ENAH: variants seen among roughly 807,000 people sequenced by gnomAD.
ENAH encodes the protein ENAH actin regulator.
In ENAH, 23 loss-of-function variants were observed where a neutral mutation model predicts 78.7. That is an observed-to-expected ratio of 0.29 (90% confidence interval 0.21 to 0.41). ENAH has a LOEUF of 0.41. ENAH is among the 10% of genes least tolerant of loss of function. The probability of loss-of-function intolerance (pLI) is 1.00; values close to 1 mark genes in which losing one functional copy is unlikely to be tolerated. For synonymous variants in ENAH, 226 were observed against 241.0 expected (o/e 0.94, Z 0.58); for missense variants, 544 against 691.0 (o/e 0.79, Z 2.39).
intron 3 of ENAH, chr1:225,535,444 T>C (rs2096557094): frequency 2.7e-6 from 3 of 1,105,038 alleles, no homozygotes; most frequent in Non-Finnish European, 3.7e-6. Flanking sequence ...ACAAAAGTTA[T>C]GGAAATGCGC....
chr1:225,585,729 C>T (rs981897064), intron 1 of ENAH, among the ~76,000 whole-genome samples: 1 of 151,792 alleles, frequency 6.6e-6, no homozygotes, highest in Non-Finnish European at 1.5e-5. Context: ...GCTGAGGCTG[C>T]AGTGAAGCAT....
At chr1:225,512,268 C>T (rs187206865) in intron 9 of ENAH, among the ~76,000 whole-genome samples, 68 of 152,330 alleles carry the variant, frequency 4.5e-4, no homozygotes, top group South Asian at 6.2e-4. Context: ...TGAAGGGGCA[C>T]AGCCAATAAC....
intron 1 of ENAH, among the ~76,000 whole-genome samples, chr1:225,570,145 T>C (rs1269924929): frequency 1.4e-5 from 2 of 141,764 alleles, no homozygotes; most frequent in South Asian, 2.2e-4. Context: ...GACTCCAGCC[T>C]GGGTGACAGA....
At chr1:225,625,862 G>A (rs1314836039) in intron 1 of ENAH, among the ~76,000 whole-genome samples, 10 of 152,102 alleles carry the variant, frequency 6.6e-5, no homozygotes, top group Admixed American at 6.5e-4. Flanking sequence ...GTCCTCTTTA[G>A]TTGAATTATC....
chr1:225,529,781 C>T (rs1286643435), intron 4 of ENAH, among the ~76,000 whole-genome samples: 2 of 152,138 alleles, frequency 1.3e-5, no homozygotes, highest in African/African-American at 4.8e-5. Flanking sequence ...GTAGAGAGAA[C>T]GGGAATGAGC....
At chr1:225,501,911 G>A (rs2096284427) in intron 11 of ENAH, among the ~76,000 whole-genome samples, 1 of 152,066 alleles carries the variant, frequency 6.6e-6, no homozygotes, top group Non-Finnish European at 1.5e-5. Flanking sequence ...TCCAAGTCCG[G>A]CAATAAAAGA....
At chr1:225,606,706 G>A (rs945162032) in intron 1 of ENAH, among the ~76,000 whole-genome samples, 6 of 151,520 alleles carry the variant, frequency 4.0e-5, no homozygotes. Flanking sequence ...AGCTGGACGT[G>A]GTGGAGTGCA....
intron 11 of ENAH, among the ~76,000 whole-genome samples, chr1:225,506,547 G>GT (rs1229765431): frequency 6.6e-6 from 1 of 152,144 alleles, no homozygotes; most frequent in Non-Finnish European, 1.5e-5. Context: ...AAGAAAATCC[G>GT]TAACTAGTAG....
At chr1:225,629,696 A>T (rs183533564) in intron 1 of ENAH, among the ~76,000 whole-genome samples, 109 of 152,232 alleles carry the variant, frequency 7.2e-4, no homozygotes, top group African/African-American at 2.6e-3. Flanking sequence ...AAAAAAGCAG[A>T]GTCTGCAAAA....
intron 1 of ENAH, among the ~76,000 whole-genome samples, chr1:225,639,841 C>A (rs958581684): frequency 2.6e-5 from 4 of 152,032 alleles, no homozygotes; most frequent in Non-Finnish European, 5.9e-5. Flanking sequence ...GATGACTGAA[C>A]ACCAAAGATG....
At chr1:225,648,756 T>C (rs542724438) in intron 1 of ENAH, among the ~76,000 whole-genome samples, 1 of 135,928 alleles carries the variant, frequency 7.4e-6, no homozygotes, top group African/African-American at 2.8e-5. Flanking sequence ...TAAGATTATC[T>C]CCTTTTTTTT....
rs890974123 is a variant in ENAH, at chr1:225,494,797, G to A, written c.*2978C>T. ...AATTATTTCAGAAGATTATCTAAGT[G>A]TCACAAACAAGCAACATATATATAC... is the stretch of plus-strand genomic sequence containing the variant. On this transcript the variant is annotated 3_prime_UTR_variant, in exon 14 of 14. Coordinates refer to ENST00000366843, the MANE Select transcript of ENAH (RefSeq NM_018212.6). 1 of 152,484 alleles carries A rather than the reference G, an allele frequency of 6.6e-6. No homozygotes were observed. Among genetic ancestry groups the A allele is most frequent in the African/African-American group, 2.4e-5 (1 of 41,420 alleles). The allele number at this position is 152,484 out of a possible 1,614,324, so 9.4% of individuals were successfully genotyped here. A position where few individuals can be genotyped will look rare whatever the true frequency, so the allele number is the denominator to read the frequency against.
rs542173047 is a variant in ENAH at position 225,490,198 on chromosome 1, C to G, written c.*7577G>C. 1 of 152,268 alleles carries G rather than the reference C, an allele frequency of 6.6e-6. No homozygotes were observed. The highest frequency in any genetic ancestry group is 2.1e-4 in the South Asian group (1 of 4,816). 9.4% of individuals were successfully genotyped at this position (152,268 alleles called of 1,614,324 possible). A position where few individuals can be genotyped will look rare whatever the true frequency, so the allele number is the denominator to read the frequency against. ...AGAGAGACTGAGGGCGGGAGGAACA[C>G]AGAGAAAGGGAAATCAAGTCCAACA... On this transcript the variant is annotated 3_prime_UTR_variant, in exon 14 of 14. Transcript: ENST00000366843.
intron 1 of ENAH, among the ~76,000 whole-genome samples, chr1:225,637,495 C>T (rs907769367): frequency 1.3e-5 from 2 of 152,172 alleles, no homozygotes; most frequent in Non-Finnish European, 2.9e-5. Context: ...GCGTGAGCCA[C>T]CGTGCATGGC....
intron 1 of ENAH, among the ~76,000 whole-genome samples, chr1:225,592,234 T>C (rs1036505085): frequency 4.6e-5 from 7 of 152,220 alleles, no homozygotes; most frequent in African/African-American, 1.2e-4. Flanking sequence ...CCTTTAACAT[T>C]TGATGTGTTA....
At chr1:225,547,372 G>A (rs1558792539) in intron 3 of ENAH, among the ~76,000 whole-genome samples, 2 of 152,054 alleles carry the variant, frequency 1.3e-5, no homozygotes. Flanking sequence ...ACCCGGCCAA[G>A]ACCTCTATTA....
Position 225,652,826 on chromosome 1 carries a change from A to G in ENAH, c.-136T>C. On this transcript the variant is annotated 5_prime_UTR_variant, in exon 1 of 14. Transcript: ENST00000366843. The stretch of plus-strand genomic sequence containing the variant: ...GTGTCCGGCTCCTCCTTCGGCGGCC[A>G]GGGGGCTACACCATCTCCTCGCACA... 1 of 634,444 alleles carries G rather than the reference A, an allele frequency of 1.6e-6. No homozygotes were observed. Among genetic ancestry groups the G allele is most frequent in the Non-Finnish European group, 2.3e-6 (1 of 435,048 alleles). 39.3% of individuals were successfully genotyped at this position (634,444 alleles called of 1,614,324 possible).
At chr1:225,507,895 G>A in intron 11 of ENAH, 56 bp downstream of exon 11, 3 of 1,228,320 alleles carry the variant, frequency 2.4e-6, no homozygotes, top group South Asian at 1.5e-5. Context: ...CACTAAGAAT[G>A]CATTAATTTT....
In ENAH at chr1:225,602,261, G is replaced by A. The variant is rs539649995; in HGVS notation, c.6-34847C>T. Reference sequence around the variant, plus strand: ...AACAAAGTAAAACAAAACGAACTCCGTGATGAGACCTTTTTTTAATAGGTG... The same window carrying A: ...AACAAAGTAAAACAAAACGAACTCCATGATGAGACCTTTTTTTAATAGGTG... On this transcript the variant is annotated intron_variant, in intron 1 of 13. Transcript: ENST00000366843. Among the ~76,000 whole-genome samples, 93 of 152,216 alleles carry A rather than the reference G, an allele frequency of 6.1e-4. 3 individuals are homozygous for A. In the South Asian group the frequency reaches 0.01, roughly 17 times the overall value.
Sources: allele counts gnomAD v4.1 joint callset (sites outside exome capture counted in the v4.1 genomes callset), GRCh38; gene constraint gnomAD v4.1.1; transcripts MANE v1.5; gene names NCBI Gene and HGNC (gene_info 2026-07-23, HGNC 2026-07-21).